The following AGMAT variants were observed in gnomAD, a reference collection of about 807,000 sequenced individuals.
AGMAT encodes guanidino acid hydrolase, mitochondrial.
Under a neutral mutation model 29.3 loss-of-function variants are expected in AGMAT, and 37 were observed. That is an observed-to-expected ratio of 1.26 (90% CI 0.97 to 1.66). AGMAT has a LOEUF of 1.66. Among genes scored for constraint, AGMAT ranks in the 40% most tolerant of loss-of-function variants. The pLI, the probability that AGMAT is intolerant of heterozygous loss-of-function variation, is 0.00. For missense variants in AGMAT, 498 were observed against 497.8 expected, an observed-to-expected ratio of 1.00 and a Z score of 0.00; for synonymous variants, 199 against 200.8, an observed-to-expected ratio of 0.99 and a Z score of 0.08.
In AGMAT at chr1:15,574,677, C is replaced by A. The variant is rs186508358; in HGVS notation, c.985+80G>T. The stretch of plus-strand genomic sequence containing the variant: ...ACAGGCTTGGGCCACCATGCCTGGC[C>A]CCATTTTCTACTTATTAACTAGCTT... On this transcript the variant is annotated intron_variant, in intron 6 of 6. Transcript: ENST00000375826. The A allele has an allele frequency of 1.5e-5, 20 of 1,298,778 alleles. No individual in the cohort carries two copies. In the African/African-American group the frequency reaches 2.8e-4, roughly 18 times the overall value. The allele number at this position is 1,298,778 out of a possible 1,614,324, so 80.5% of individuals were successfully genotyped here.
chr1:15,574,694 A>G, intron 6 of AGMAT, 63 bp downstream of exon 6: 1 of 1,444,068 alleles, frequency 6.9e-7, no homozygotes, highest in Admixed American at 1.7e-5. Flanking sequence ...TCTACTTATT[A>G]ACTAGCTTCG....
chr1:15,579,712 G>A (rs1570942235), intron 3 of AGMAT, among the ~76,000 whole-genome samples: 1 of 152,272 alleles, frequency 6.6e-6, no homozygotes, highest in East Asian at 1.9e-4. Context: ...AGGAAACAAG[G>A]GCCTCTCAGC....
At chr1:15,579,337 GTGGCACAGGGGAGCT>G (rs1038077762) in intron 3 of AGMAT, among the ~76,000 whole-genome samples, 14 of 152,110 alleles carry the variant, frequency 9.2e-5, no homozygotes, top group African/African-American at 3.4e-4. Context: ...ATCAAGGGTG[GTGGCACAGGGGAGCT>G]TGGCTGAAGG....
chr1:15,582,741 T>TA (rs923793575), intron 2 of AGMAT, among the ~76,000 whole-genome samples: 2 of 152,166 alleles, frequency 1.3e-5, no homozygotes, highest in Non-Finnish European at 2.9e-5. Context: ...CTCATGCCTG[T>TA]AACCCCAGCA....
chr1:15,578,866 C>T lies in AGMAT; in HGVS notation c.713G>A (p.Arg238Gln), dbSNP rs771473311. The T allele has an allele frequency of 9.9e-6, 16 of 1,613,434 alleles. No homozygotes were observed. The highest frequency in any genetic ancestry group is 2.2e-5 in the South Asian group (2 of 91,070). Residue 238 changes from arginine (R) to glutamine (Q), a missense_variant, in exon 4 of 7, where the codon CGG becomes CAG. Coordinates refer to ENST00000375826, the MANE Select transcript of AGMAT (RefSeq NM_024758.5). ...GGGCATTCGGTCTGTCACCTGGCTC[C>T]GGTTGTATCTGTAGGGATCCAAGGT... Reference protein sequence around the residue: ...STTLDPYRYNRSQGFRVVLAE... With the variant: ...STTLDPYRYNQSQGFRVVLAE...
Position 15,583,280 on chromosome 1 carries a change from T to A in AGMAT, c.388A>T (p.Asn130Tyr), listed in dbSNP as rs932031958. 1.2e-6 allele frequency: 2 copies of A among 1,614,010 alleles called. No homozygotes were observed. The highest frequency in any genetic ancestry group is 2.7e-5 in the African/African-American group (2 of 74,928). The change falls in exon 2 of 7, where the codon AAT becomes TAT. Residue 130 changes from asparagine (N) to tyrosine (Y), a missense_variant. Physicochemically the swap from Asn to Tyr is moderately radical, Grantham distance 143. Transcript: ENST00000375826. ...CAGCTGTCCTGAAGGTTGTAAAGAT[T>A]GACATTCACATCGCCTAGGTCTGCA... ...MVADLGDVNVNLYNLQDSCRR... is the reference protein window; with the variant it reads ...MVADLGDVNVYLYNLQDSCRR...
At chr1:15,578,402 C>G (rs1302741327) in intron 4 of AGMAT, among the ~76,000 whole-genome samples, 1 of 152,096 alleles carries the variant, frequency 6.6e-6, no homozygotes, top group East Asian at 1.9e-4. Flanking sequence ...TCAAGCAATT[C>G]TCCTGCCTCA....
At chr1:15,580,170 G>A (rs573538475) in intron 2 of AGMAT, 28 bp from the exon 3 acceptor site, 2 of 1,458,800 alleles carry the variant, frequency 1.4e-6, no homozygotes, top group East Asian at 4.5e-5. Context: ...AAAACATCTG[G>A]AAAGTGAATT....
In AGMAT at chr1:15,579,025, TCCACGTGCAGCAGCC is replaced by T; in HGVS notation, c.539_553del (p.Gly180_Val184del). On this transcript the variant is annotated inframe_deletion, in exon 4 of 7. Transcript: ENST00000375826. ...CTTGTCGGTCGTGTCCGTGTGCGCA[TCCACGTGCAGCAGCC>T]CCACTGGGCCATGCCTGATGACAAC... 1.9e-6 allele frequency: 3 copies of T among 1,614,044 alleles called. No homozygotes were observed. The South Asian group carries it at 3.3e-5, about 18-fold the overall frequency.
rs1263488526 is a variant in AGMAT, at chr1:15,572,933, TACTC to T, written c.*714_*717del. 4 of 150,660 alleles carry T rather than the reference TACTC, an allele frequency of 2.7e-5. No homozygotes were observed. The highest frequency in any genetic ancestry group is 5.9e-5 in the Non-Finnish European group (4 of 67,888). The allele number at this position is 150,660 out of a possible 1,614,324, so 9.3% of individuals were successfully genotyped here. ...GGAGGAGCTGTAGTTTAAAGGAAGA[TACTC>T]AATACTCTAGGAAGCAGATCATCAA... On this transcript the variant is annotated 3_prime_UTR_variant, in exon 7 of 7. Transcript: ENST00000375826.
chr1:15,580,572 C>T (rs944023823), intron 2 of AGMAT, among the ~76,000 whole-genome samples: 1 of 152,096 alleles, frequency 6.6e-6, no homozygotes, highest in African/African-American at 2.4e-5. Flanking sequence ...ACAGTAAGAT[C>T]TTATAGAATG....
intron 3 of AGMAT, among the ~76,000 whole-genome samples, chr1:15,579,438 A>C (rs1231912092): frequency 6.6e-6 from 1 of 152,106 alleles, no homozygotes; most frequent in Non-Finnish European, 1.5e-5. Flanking sequence ...CATAACCTCC[A>C]TCAACCCCTG....
At position 15,571,991 on chromosome 1, in the gene AGMAT, A is replaced by C. The variant is rs1423858311; in HGVS notation, c.*1660T>G. The stretch of plus-strand genomic sequence containing the variant: ...GAAACCCCGTCTCTACTAAAAATAC[A>C]AAAATTAGCCGGGCGTGGTGACGCA... On this transcript the variant is annotated 3_prime_UTR_variant, in exon 7 of 7. Coordinates refer to ENST00000375826, the MANE Select transcript of AGMAT (RefSeq NM_024758.5). Among the ~76,000 whole-genome samples, 1 of 151,876 alleles carries C rather than the reference A, an allele frequency of 6.6e-6. No individual in the cohort carries two copies. The highest frequency in any genetic ancestry group is 2.4e-5 in the African/African-American group (1 of 41,384).
Position 15,573,433 on chromosome 1 carries a change from G to C in AGMAT, c.*218C>G. On this transcript the variant is annotated 3_prime_UTR_variant, in exon 7 of 7. Transcript: ENST00000375826. ...AGGAAAAAAAATCAAAGCAGTACAA[G>C]TACTCCTTTTTTTTTCCCCCAATTA... The C allele has an allele frequency of 1.9e-6, 1 of 522,834 alleles. No homozygotes were observed. The highest frequency in any genetic ancestry group is 3.5e-6 in the Non-Finnish European group (1 of 286,600). The allele number at this position is 522,834 out of a possible 1,614,324, so 32.4% of individuals were successfully genotyped here. A position where few individuals can be genotyped will look rare whatever the true frequency, so the allele number is the denominator to read the frequency against.
chr1:15,574,752 C>A lies in AGMAT; in HGVS notation c.985+5G>T. On this transcript the variant is annotated splice_donor_5th_base_variant and intron_variant, in intron 6 of 6. Coordinates refer to ENST00000375826, the MANE Select transcript of AGMAT (RefSeq NM_024758.5). The stretch of plus-strand genomic sequence containing the variant: ...CCATGGATCTCAGTCTCTTTGCTTA[C>A]TCACCAGAAAGATCATACGGTGGTG... 6.2e-7 allele frequency: 1 copy of A among 1,612,880 alleles called. No individual in the cohort carries two copies. The highest frequency in any genetic ancestry group is 1.7e-5 in the Admixed American group (1 of 59,986).
Position 15,584,714 on chromosome 1 carries a change from G to A in AGMAT, c.254C>T (p.Ser85Phe). The change falls in exon 1 of 7, where the codon TCC becomes TTC. Residue 85 changes from serine (S) to phenylalanine (F), a missense_variant. By Grantham distance (155) the Ser-to-Phe change is radical. Coordinates refer to ENST00000375826, the MANE Select transcript of AGMAT (RefSeq NM_024758.5). ...FIGVPLDTGT[S>F]NRPGARFGPR... ...GCCTTACCTCGCCCCAGGCCGGTTG[G>A]AGGTCCCAGTATCCAGGGGCACCCC... 7.5e-7 allele frequency: 1 copy of A among 1,333,256 alleles called. No homozygotes were observed. The highest frequency in any genetic ancestry group is 9.6e-7 in the Non-Finnish European group (1 of 1,036,300). The allele number at this position is 1,333,256 out of a possible 1,614,324, so 82.6% of individuals were successfully genotyped here. A position where few individuals can be genotyped will look rare whatever the true frequency, so the allele number is the denominator to read the frequency against.
At chr1:15,574,319 G>A (rs927844954) in intron 6 of AGMAT, among the ~76,000 whole-genome samples, 1 of 151,238 alleles carries the variant, frequency 6.6e-6, no homozygotes, top group Non-Finnish European at 1.5e-5. Flanking sequence ...AGTAATAGGT[G>A]TGTTTTCTTC....
rs1570938164 is a variant in AGMAT, at chr1:15,572,376, T to G, written c.*1275A>C. 1 of 141,144 alleles carries G rather than the reference T, an allele frequency of 7.1e-6. No homozygotes were observed. The highest frequency in any genetic ancestry group is 1.5e-5 in the Non-Finnish European group (1 of 65,404). 8.7% of individuals were successfully genotyped at this position (141,144 alleles called of 1,614,324 possible). A position where few individuals can be genotyped will look rare whatever the true frequency, so the allele number is the denominator to read the frequency against. ...GCTTTTTTTTTTTTTTTTTTTTTTTTGGAGACGGAGTCTCACTCTGTCACC... is the reference window on the plus strand; with the variant it reads ...GCTTTTTTTTTTTTTTTTTTTTTTTGGGAGACGGAGTCTCACTCTGTCACC... On this transcript the variant is annotated 3_prime_UTR_variant, in exon 7 of 7. Coordinates refer to ENST00000375826, the MANE Select transcript of AGMAT (RefSeq NM_024758.5).
At chr1:15,580,997 A>C (rs1639105994) in intron 2 of AGMAT, among the ~76,000 whole-genome samples, 1 of 151,942 alleles carries the variant, frequency 6.6e-6, no homozygotes, top group South Asian at 2.1e-4. Context: ...TAAAATAAAT[A>C]AATAAATAGC....
Sources: gnomAD v4.1 joint callset for allele counts (sites outside exome capture counted in the v4.1 genomes callset) on GRCh38, gnomAD v4.1.1 for gene constraint, MANE v1.5 for transcripts, NCBI Gene and HGNC (gene_info 2026-07-23, HGNC 2026-07-21) for gene names.